NIN: variants seen among roughly 807,000 people sequenced by gnomAD.
The protein encoded by NIN is ninein.
In NIN, 137 loss-of-function variants were observed where a neutral mutation model predicts 257.6. The observed-to-expected ratio is 0.53, with a 90% CI of 0.46 to 0.61. NIN has a LOEUF of 0.61. NIN is among the 20% of genes least tolerant of loss of function. The pLI, the probability that NIN is intolerant of heterozygous loss-of-function variation, is 0.00. For synonymous variants in NIN, 918 were observed against 919.8 expected, an observed-to-expected ratio of 1.00 and a Z score of 0.04; for missense variants, 2,439 against 2,501.2, an observed-to-expected ratio of 0.98 and a Z score of 0.53.
chr14:50,811,956 C>CA (rs71121604), intron 3 of NIN, among the ~76,000 whole-genome samples: 9 of 140,486 alleles, frequency 6.4e-5, no homozygotes, highest in East Asian at 4.2e-4. Context: ...ACTCCGTCTC[C>CA]AAAAAAAAAA....
At chr14:50,796,277 C>T (rs927299035) in intron 4 of NIN, among the ~76,000 whole-genome samples, 6 of 152,174 alleles carry the variant, frequency 3.9e-5, no homozygotes, top group African/African-American at 1.4e-4. Context: ...AGGAAGGTGG[C>T]TTTGAGGCAG....
chr14:50,736,157 G>C (rs2040965709), intron 27 of NIN, among the ~76,000 whole-genome samples: 1 of 150,620 alleles, frequency 6.6e-6, no homozygotes, highest in African/African-American at 2.4e-5. Context: ...TTTTGAGACA[G>C]AGTCTCACTC....
At chr14:50,772,269 T>G in intron 9 of NIN, 32 bp downstream of exon 9, 4 of 1,550,708 alleles carry the variant, frequency 2.6e-6, no homozygotes, top group Non-Finnish European at 3.5e-6. Context: ...CCTTCTCCAG[T>G]TTGTCATTTT....
chr14:50,785,852 T>C (rs76991854), intron 5 of NIN, among the ~76,000 whole-genome samples: 62 of 152,306 alleles, frequency 4.1e-4, no homozygotes, highest in African/African-American at 1.4e-3. Flanking sequence ...CTATGCCACC[T>C]TTGAAGGCAA....
intron 3 of NIN, among the ~76,000 whole-genome samples, chr14:50,811,425 T>C (rs992038786): frequency 6.6e-6 from 1 of 151,616 alleles, no homozygotes; most frequent in Non-Finnish European, 1.5e-5. Flanking sequence ...GTATTACTCT[T>C]ACAACACAGA....
intron 3 of NIN, among the ~76,000 whole-genome samples, chr14:50,807,033 T>G (rs1416982499): frequency 6.6e-6 from 1 of 152,192 alleles, no homozygotes; most frequent in Non-Finnish European, 1.5e-5. Context: ...CGATATTTAT[T>G]CACCCCAAAG....
At chr14:50,802,945 C>T (rs1036606907) in intron 4 of NIN, among the ~76,000 whole-genome samples, 3 of 152,322 alleles carry the variant, frequency 2.0e-5, no homozygotes, top group East Asian at 3.9e-4. Context: ...CTCTTGGTTT[C>T]TAAGGCTGAG....
rs769047979 is a variant in NIN at position 50,735,624 on chromosome 14, A to T, written c.5776-7T>A. On this transcript the variant is annotated splice_region_variant and splice_polypyrimidine_tract_variant and intron_variant, in intron 27 of 30. Coordinates refer to ENST00000530997, the MANE Select transcript of NIN (RefSeq NM_020921.4). ...GGGAATTCATCTGACTGACCTGTTT[A>T]AAAAAAACAAAATATTCCCTTGAAA... 6.2e-6 allele frequency: 10 copies of T among 1,602,386 alleles called. No homozygotes were observed. Among genetic ancestry groups the T allele is most frequent in the Admixed American group, 1.7e-5 (1 of 58,448 alleles).
rs1460410072 is a variant in NIN at position 50,721,943 on chromosome 14, TTTCTCTTGTG to T, written c.*1510_*1519del. On this transcript the variant is annotated 3_prime_UTR_variant, in exon 31 of 31. Transcript: ENST00000530997. The stretch of plus-strand genomic sequence containing the variant: ...CATGATGACTTCTTGGGCAGTTTGC[TTTCTCTTGTG>T]TTCCTGCCCATAAAGCAGTGCTTGA... 3 of 226,982 alleles carry T rather than the reference TTTCTCTTGTG, an allele frequency of 1.3e-5. No individual in the cohort carries two copies. Among genetic ancestry groups the T allele is most frequent in the Non-Finnish European group, 2.6e-5 (3 of 114,038 alleles). 14.1% of individuals were successfully genotyped at this position (226,982 alleles called of 1,614,324 possible). A position where few individuals can be genotyped will look rare whatever the true frequency, so the allele number is the denominator to read the frequency against.
chr14:50,751,944 CTTCTCACTGTGGTATATGT>C (rs1218889723), intron 21 of NIN, among the ~76,000 whole-genome samples: 4 of 152,144 alleles, frequency 2.6e-5, no homozygotes, highest in African/African-American at 9.7e-5. Flanking sequence ...GATATTAGGC[CTTCTCACTGTGGTATATGT>C]TGTGAATATT....
chr14:50,734,851 A>ATT lies in NIN; in HGVS notation c.5877+663_5877+664dup, dbSNP rs761296440. On this transcript the variant is annotated intron_variant, in intron 28 of 30. Transcript: ENST00000530997. ...GCCACCACACCTGGCTAATTTTTGT[A>ATT]TTTTTTTTTTTTTTTGTAGAGACAG... Among the ~76,000 whole-genome samples, 1,118 of 135,458 alleles carry ATT rather than the reference A, an allele frequency of 8.3e-3. 17 individuals are homozygous for ATT. The highest frequency in any genetic ancestry group is 0.027 in the African/African-American group (1,009 of 36,744). 88.9% of individuals were successfully genotyped at this position (135,458 alleles called of 152,430 possible). A position where few individuals can be genotyped will look rare whatever the true frequency, so the allele number is the denominator to read the frequency against.
intron 4 of NIN, among the ~76,000 whole-genome samples, chr14:50,800,092 T>A (rs2044029329): frequency 6.6e-6 from 1 of 152,018 alleles, no homozygotes; most frequent in African/African-American, 2.4e-5. Flanking sequence ...TCACCAGCCC[T>A]ATTTATTTAA....
chr14:50,826,804 C>T (rs543762816), intron 2 of NIN, among the ~76,000 whole-genome samples: 19 of 152,288 alleles, frequency 1.2e-4, no homozygotes, highest in African/African-American at 3.6e-4. Context: ...CCTTTTATTT[C>T]GCATCCAGAT....
chr14:50,727,587 C>A (rs1595693351), intron 29 of NIN: 3 of 1,369,810 alleles, frequency 2.2e-6, no homozygotes, highest in Non-Finnish European at 1.9e-6. Context: ...CACTTAATTC[C>A]AACATATCTT....
rs767020882 is a variant in NIN at position 50,722,930 on chromosome 14, G to A, written c.*533C>T. ...AGATTTGGGTTTGTCTGATGTCAGCGGTTAATAACCACTTAATAAGCCCTG... is the reference window on the plus strand; with the variant it reads ...AGATTTGGGTTTGTCTGATGTCAGCAGTTAATAACCACTTAATAAGCCCTG... On this transcript the variant is annotated 3_prime_UTR_variant, in exon 31 of 31. Transcript: ENST00000530997. The A allele has an allele frequency of 1.4e-5, 3 of 213,576 alleles. No individual in the cohort carries two copies. Among genetic ancestry groups the A allele is most frequent in the South Asian group, 1.9e-4 (1 of 5,384 alleles). The allele number at this position is 213,576 out of a possible 1,614,324, so 13.2% of individuals were successfully genotyped here. A position where few individuals can be genotyped will look rare whatever the true frequency, so the allele number is the denominator to read the frequency against.
Position 50,729,714 on chromosome 14 carries a change from G to A in NIN, c.5887C>T (p.Leu1963=), listed in dbSNP as rs1226574631. Residue 1963 remains leucine, a synonymous_variant, in exon 29 of 31, where the codon CTG becomes TTG. Transcript: ENST00000530997. The part of the protein sequence containing the change: ...LDEQLMEMQH[L]RSTATPSPSP... ...GGGCTAGGCGTCGCAGTGGACCTCA[G>A]GTGCTGCATCTGAAGGACAAGGGCA... is the stretch of plus-strand genomic sequence containing the variant. 2 of 1,601,264 alleles carry A rather than the reference G, an allele frequency of 1.2e-6. No homozygotes were observed. The highest frequency in any genetic ancestry group is 2.2e-5 in the East Asian group (1 of 44,704).
intron 18 of NIN, among the ~76,000 whole-genome samples, chr14:50,755,890 C>T (rs1202098310): frequency 6.6e-6 from 1 of 152,006 alleles, no homozygotes; most frequent in East Asian, 1.9e-4. Context: ...TGCCTGGAAA[C>T]TCCTGGCCTC....
At chr14:50,802,281 T>C (rs1249556406) in intron 4 of NIN, among the ~76,000 whole-genome samples, 1 of 152,184 alleles carries the variant, frequency 6.6e-6, no homozygotes, top group East Asian at 1.9e-4. Context: ...TTCACTGTGT[T>C]GTTATTATTA....
intron 18 of NIN, among the ~76,000 whole-genome samples, chr14:50,755,295 T>C (rs912650401): frequency 2.6e-5 from 4 of 152,174 alleles, no homozygotes; most frequent in African/African-American, 9.7e-5. Context: ...GAAAATTCTC[T>C]ATTGAAATCA....
Sources: gnomAD v4.1 joint callset for allele counts (sites outside exome capture counted in the v4.1 genomes callset) on GRCh38, gnomAD v4.1.1 for gene constraint, MANE v1.5 for transcripts, NCBI Gene and HGNC (gene_info 2026-07-23, HGNC 2026-07-21) for gene names.